Variants in ABI2 observed in about 807,000 individuals in gnomAD.
ABI2 encodes the protein abelson interactor 2.
ABI2 carries 25 observed loss-of-function variants against 59.2 expected under a neutral mutation model. That is an observed-to-expected ratio of 0.42 (90% CI 0.31 to 0.59). The LOEUF (loss-of-function observed/expected upper bound fraction) is 0.59, where lower values mean the gene tolerates loss of function less well. ABI2 is among the 20% of genes least tolerant of loss of function. The pLI, the probability that ABI2 is intolerant of heterozygous loss-of-function variation, is 0.14. For missense variants in ABI2, 545 were observed against 681.8 expected (o/e 0.80, Z 2.23); for synonymous variants, 213 against 235.5 (o/e 0.90, Z 0.87).
At chr2:203,423,561 G>C (rs1293229917) in intron 11 of ABI2, among the ~76,000 whole-genome samples, 1 of 152,188 alleles carries the variant, frequency 6.6e-6, no homozygotes, top group East Asian at 1.9e-4. Context: ...GAGTAGCTGG[G>C]ACTACAGGCG....
At chr2:203,411,460 T>A in intron 10 of ABI2, 89 bp downstream of exon 10, 1 of 995,516 alleles carries the variant, frequency 1.0e-6, no homozygotes, top group Non-Finnish European at 1.5e-6. Flanking sequence ...ATTCATTTGC[T>A]GATACTTCAA....
intron 1 of ABI2, among the ~76,000 whole-genome samples, chr2:203,330,479 A>T (rs1438778335): frequency 6.6e-6 from 1 of 151,652 alleles, no homozygotes; most frequent in Non-Finnish European, 1.5e-5. Flanking sequence ...TGAGGGGTGG[A>T]TGGTACATAC....
intron 9 of ABI2, among the ~76,000 whole-genome samples, 157 bp from the exon 10 acceptor site, chr2:203,411,125 TTAA>T (rs764856502): frequency 7.9e-5 from 12 of 152,306 alleles, no homozygotes; most frequent in Non-Finnish European, 1.3e-4. Flanking sequence ...TTTGTTTGTG[TTAA>T]TGAGTTGTCC....
intron 1 of ABI2, among the ~76,000 whole-genome samples, chr2:203,337,474 A>G (rs2076989560): frequency 6.6e-6 from 1 of 152,262 alleles, no homozygotes; most frequent in Admixed American, 6.5e-5. Context: ...TAAGACATTT[A>G]TGAAAGTAAT....
intron 1 of ABI2, chr2:203,351,777 C>A: frequency 3.7e-6 from 1 of 273,482 alleles, no homozygotes; most frequent in South Asian, 3.3e-5. Context: ...CTCAAGCAGT[C>A]CTCCCACTGT....
intron 1 of ABI2, among the ~76,000 whole-genome samples, chr2:203,336,960 G>C (rs1346697284): frequency 6.6e-6 from 1 of 152,134 alleles, no homozygotes; most frequent in Non-Finnish European, 1.5e-5. Context: ...GGTTTTGTCA[G>C]GTTTTAAAAT....
chr2:203,386,832 T>G lies in ABI2; in HGVS notation c.481-4214T>G, dbSNP rs999542182. ...TTTTGTATTTTTAGTAGAGACAGGG[T>G]TTTGCCATGTTGGCCAGGCTGGTCT... is the stretch of plus-strand genomic sequence containing the variant. On this transcript the variant is annotated intron_variant, in intron 4 of 11. Transcript: ENST00000261018. Among the ~76,000 whole-genome samples the G allele has an allele frequency of 2.0e-5, 3 of 151,842 alleles. No individual in the cohort carries two copies. The East Asian group carries it at 5.8e-4, about 30-fold the overall frequency.
chr2:203,358,516 A>G (rs1328305529), intron 1 of ABI2, among the ~76,000 whole-genome samples: 1 of 152,162 alleles, frequency 6.6e-6, no homozygotes, highest in Admixed American at 6.5e-5. Flanking sequence ...AACCATGTGA[A>G]GGAACAGGAA....
chr2:203,407,897 A>T (rs2097498748), intron 9 of ABI2, among the ~76,000 whole-genome samples: 1 of 152,202 alleles, frequency 6.6e-6, no homozygotes, highest in Admixed American at 6.5e-5. Context: ...AACTCCAAGA[A>T]AGACAGTATA....
intron 3 of ABI2, among the ~76,000 whole-genome samples, chr2:203,380,694 ATCAT>A (rs1261149944): frequency 4.6e-5 from 7 of 152,234 alleles, no homozygotes; most frequent in South Asian, 4.1e-4. Context: ...TGATTAAAAA[ATCAT>A]TCATCATGTT....
intron 4 of ABI2, among the ~76,000 whole-genome samples, chr2:203,384,285 TTTTTG>T (rs200342172): frequency 0.52 from 59,013 of 113,526 alleles, 12,791 homozygotes; most frequent in Middle Eastern, 0.68. Context: ...CTTGTTTTTG[TTTTTG>T]TTTTTTTTTT....
chr2:203,365,124 A>G (rs2094222460), intron 1 of ABI2, among the ~76,000 whole-genome samples: 4 of 152,224 alleles, frequency 2.6e-5, no homozygotes, highest in Admixed American at 2.6e-4. Context: ...TTAAAAATAC[A>G]AATCAACTTT....
chr2:203,340,136 C>T (rs529091896), intron 1 of ABI2, among the ~76,000 whole-genome samples: 2 of 152,220 alleles, frequency 1.3e-5, no homozygotes, highest in South Asian at 4.1e-4. Flanking sequence ...AGACAAATAC[C>T]GTATGATTTC....
At chr2:203,328,676 G>A (rs1163549759) in intron 1 of ABI2, 45 bp downstream of exon 1, 2 of 1,375,252 alleles carry the variant, frequency 1.5e-6, no homozygotes, top group Admixed American at 2.9e-5. Context: ...CCCCCCCGCC[G>A]GGGGCCGCGC....
intron 1 of ABI2, among the ~76,000 whole-genome samples, chr2:203,331,597 G>GA (rs1026600116): frequency 1.6e-4 from 25 of 151,812 alleles, no homozygotes; most frequent in Non-Finnish European, 3.1e-4. Context: ...GGCCTCAGAT[G>GA]ATCGACCTGC....
At position 203,402,660 on chromosome 2, in the gene ABI2, G is replaced by GC; in HGVS notation, c.1121dup (p.Pro375SerfsTer20). On this transcript the variant is annotated frameshift_variant, in exon 9 of 12. Coordinates refer to ENST00000261018, the MANE Select transcript of ABI2 (RefSeq NM_001375670.1). LOFTEE classifies it high-confidence loss of function. ...ATAGGGGGCTCGTTGCCCTATAGAC[G>GC]CCCTCCTTCCATTACTTCACAAACA... is the stretch of plus-strand genomic sequence containing the variant. The GC allele has an allele frequency of 6.2e-7, 1 of 1,605,384 alleles. No homozygotes were observed. The highest frequency in any genetic ancestry group is 8.5e-7 in the Non-Finnish European group (1 of 1,176,810).
chr2:203,329,396 A>T (rs911682038), intron 1 of ABI2, among the ~76,000 whole-genome samples: 1 of 125,786 alleles, frequency 8.0e-6, no homozygotes, highest in Non-Finnish European at 1.6e-5. Context: ...TCAAGGGCTG[A>T]TAGTGGTAGG....
At chr2:203,388,462 C>A (rs1412445375) in intron 4 of ABI2, among the ~76,000 whole-genome samples, 1 of 152,040 alleles carries the variant, frequency 6.6e-6, no homozygotes, top group East Asian at 1.9e-4. Context: ...GTGGGTGGAT[C>A]ACCTGAGGTC....
At chr2:203,376,219 G>A (rs2095667877) in intron 2 of ABI2, 20 of 1,003,788 alleles carry the variant, frequency 2.0e-5, no homozygotes, top group Non-Finnish European at 5.7e-6. Context: ...ATTTGGCAAT[G>A]TTAGACATTT....
Sources: allele counts gnomAD v4.1 joint callset (sites outside exome capture counted in the v4.1 genomes callset), GRCh38; gene constraint gnomAD v4.1.1; transcripts MANE v1.5; gene names NCBI Gene and HGNC (gene_info 2026-07-23, HGNC 2026-07-21).